Variants in MTA3 observed in about 807,000 individuals in gnomAD.
The protein encoded by MTA3 is metastasis associated 1 family member 3.
Under a neutral mutation model 83.5 loss-of-function variants are expected in MTA3, and 34 were observed. The ratio of observed to expected loss-of-function variants is 0.41; its 90% CI spans 0.31 to 0.54. The LOEUF (loss-of-function observed/expected upper bound fraction) is 0.54. MTA3 is among the 20% of genes least tolerant of loss of function. MTA3 has a pLI of 0.33. For missense variants in MTA3, 761 were observed against 726.4 expected (o/e 1.05, Z -0.55); for synonymous variants, 303 against 252.7 (o/e 1.20, Z -1.89).
intron 2 of MTA3, among the ~76,000 whole-genome samples, chr2:42,547,734 C>T (rs1158635573): frequency 6.6e-6 from 1 of 152,204 alleles, no homozygotes; most frequent in East Asian, 1.9e-4. Context: ...GGTTTTCAAT[C>T]TTGTCTATTA....
chr2:42,610,316 A>G (rs1684034522), intron 4 of MTA3, among the ~76,000 whole-genome samples: 1 of 152,198 alleles, frequency 6.6e-6, no homozygotes, highest in African/African-American at 2.4e-5. Flanking sequence ...CTTATAGGAT[A>G]TATGGCTTTT....
intron 4 of MTA3, among the ~76,000 whole-genome samples, chr2:42,620,782 C>A (rs1170251980): frequency 2.0e-5 from 3 of 152,218 alleles, no homozygotes; most frequent in African/African-American, 7.2e-5. Context: ...GGATGAGCCA[C>A]TGGGCCCAGC....
intron 2 of MTA3, among the ~76,000 whole-genome samples, chr2:42,548,861 T>TATATATATATA (rs1558428439): frequency 2.4e-3 from 18 of 7,450 alleles, no homozygotes; most frequent in African/African-American, 3.6e-3. Context: ...ATATATATAA[T>TATATATATATA]ATATATATAT....
In MTA3 at chr2:42,694,841, G is replaced by A. The variant is rs376841593; in HGVS notation, c.892-924G>A. 1.4e-4 allele frequency among the ~76,000 whole-genome samples: 21 copies of A among 152,244 alleles called. 1 individual carries two copies. The South Asian group carries it at 3.9e-3, about 29-fold the overall frequency. On this transcript the variant is annotated intron_variant, in intron 9 of 16. Transcript: ENST00000405094. ...GTAGCTTGAGAACTTTCCCAAGTAA[G>A]TCATGAAATGTTATCAGGGCTGGTC...
chr2:42,747,109 C>T (rs1669499392), intron 16 of MTA3, among the ~76,000 whole-genome samples: 1 of 151,800 alleles, frequency 6.6e-6, no homozygotes, highest in Non-Finnish European at 1.5e-5. Context: ...TCGAGCGATT[C>T]TCCTGTCAGC....
intron 3 of MTA3, among the ~76,000 whole-genome samples, chr2:42,603,924 T>C (rs1682906285): frequency 6.6e-6 from 1 of 152,148 alleles, no homozygotes; most frequent in African/African-American, 2.4e-5. Context: ...CTAATTTTTC[T>C]ATTTTTAGTA....
At chr2:42,613,614 T>C (rs186986835) in intron 4 of MTA3, 29 of 152,380 alleles carry the variant, frequency 1.9e-4, no homozygotes, top group African/African-American at 6.3e-4. Context: ...TGGTGAATAC[T>C]GATGTTTTAC....
chr2:42,732,816 C>T (rs1668326549), intron 16 of MTA3, among the ~76,000 whole-genome samples: 1 of 152,198 alleles, frequency 6.6e-6, no homozygotes, highest in Non-Finnish European at 1.5e-5. Context: ...GTTCAAAGTT[C>T]CACAAATCTC....
At chr2:42,597,146 A>G (rs1421225190) in intron 3 of MTA3, among the ~76,000 whole-genome samples, 1 of 152,002 alleles carries the variant, frequency 6.6e-6, no homozygotes, top group Non-Finnish European at 1.5e-5. Flanking sequence ...TCCTGAGCTC[A>G]GGCAATCCGC....
At chr2:42,638,674 C>CAAA (rs1483318078) in intron 4 of MTA3, among the ~76,000 whole-genome samples, 1 of 150,490 alleles carries the variant, frequency 6.6e-6, no homozygotes, top group Non-Finnish European at 1.5e-5. Flanking sequence ...GTTGTCTTTT[C>CAAA]AGTGTTGTTA....
At chr2:42,528,871 G>A (rs1357137227) in intron 2 of MTA3, among the ~76,000 whole-genome samples, 4 of 152,196 alleles carry the variant, frequency 2.6e-5, no homozygotes, top group Non-Finnish European at 5.9e-5. Context: ...GAGAATTTAT[G>A]GACAGAAAAA....
chr2:42,680,779 C>T (rs1479116055), intron 8 of MTA3, among the ~76,000 whole-genome samples: 3 of 152,132 alleles, frequency 2.0e-5, no homozygotes, highest in Non-Finnish European at 4.4e-5. Flanking sequence ...AAAAATAGGG[C>T]ATCACTCTGT....
At chr2:42,535,403 C>CT (rs1477481747) in intron 2 of MTA3, among the ~76,000 whole-genome samples, 1 of 151,226 alleles carries the variant, frequency 6.6e-6, no homozygotes, top group South Asian at 2.1e-4. Flanking sequence ...AACAGACAAA[C>CT]TTTTTTTTTA....
At chr2:42,551,425 A>T (rs2103776475) in intron 2 of MTA3, among the ~76,000 whole-genome samples, 1 of 152,130 alleles carries the variant, frequency 6.6e-6, no homozygotes, top group East Asian at 1.9e-4. Flanking sequence ...TCCTGACCTG[A>T]GGTAAACCAC....
intron 14 of MTA3, among the ~76,000 whole-genome samples, chr2:42,717,338 G>A (rs1178036828): frequency 3.9e-5 from 6 of 151,952 alleles, no homozygotes; most frequent in Non-Finnish European, 5.9e-5. Context: ...CAGAAAACCT[G>A]TAGGACATTT....
chr2:42,585,834 A>T lies in MTA3; in HGVS notation c.190+6634A>T, dbSNP rs112168117. 1.2e-3 allele frequency among the ~76,000 whole-genome samples: 175 copies of T among 152,146 alleles called. 2 individuals carry two copies. Among genetic ancestry groups the T allele is most frequent in the African/African-American group, 3.9e-3 (162 of 41,520 alleles). ...ATAATTACAGTTTTACCTACAAAGG[A>T]GGGTGAGATAGGAGAATCACTTGAG... On this transcript the variant is annotated intron_variant, in intron 3 of 16. Transcript: ENST00000405094.
chr2:42,677,553 G>C (rs1691493132), intron 8 of MTA3, among the ~76,000 whole-genome samples: 1 of 151,940 alleles, frequency 6.6e-6, no homozygotes, highest in Non-Finnish European at 1.5e-5. Flanking sequence ...GTGTTGTCCA[G>C]GGGTGGTCTC....
At chr2:42,746,536 C>T (rs1392882815) in intron 16 of MTA3, among the ~76,000 whole-genome samples, 1 of 152,164 alleles carries the variant, frequency 6.6e-6, no homozygotes, top group East Asian at 1.9e-4. Flanking sequence ...AGATTGAGGG[C>T]TCTCCCAGTC....
intron 16 of MTA3, among the ~76,000 whole-genome samples, chr2:42,750,718 C>T (rs1322136174): frequency 6.6e-6 from 1 of 152,206 alleles, no homozygotes; most frequent in Non-Finnish European, 1.5e-5. Context: ...TTCACTTGAT[C>T]TCTCTCTGTT....
Sources: allele counts gnomAD v4.1 joint callset (sites outside exome capture counted in the v4.1 genomes callset), GRCh38; gene constraint gnomAD v4.1.1; transcripts MANE v1.5; gene names NCBI Gene and HGNC (gene_info 2026-07-23, HGNC 2026-07-21).